The following CTNNA2 variants were observed in gnomAD, a reference collection of about 807,000 sequenced individuals.
CTNNA2 encodes the protein catenin alpha-2.
In CTNNA2, 42 loss-of-function variants were observed where a neutral mutation model predicts 101.0. That is an observed-to-expected ratio of 0.42 (90% CI 0.32 to 0.54). The LOEUF (loss-of-function observed/expected upper bound fraction) is 0.54, where lower values mean the gene tolerates loss of function less well. CTNNA2 is among the 20% of genes least tolerant of loss of function. The probability of loss-of-function intolerance (pLI) is 0.14; values close to 1 mark genes in which losing one functional copy is unlikely to be tolerated. For synonymous variants in CTNNA2, 450 were observed against 456.4 expected (o/e 0.99, Z 0.18); for missense variants, 871 against 1,223.1 (o/e 0.71, Z 4.29).
At chr2:79,209,703 C>T (rs1386450389) in intron 2 of CTNNA2, among the ~76,000 whole-genome samples, 1 of 65,040 alleles carries the variant, frequency 1.5e-5, no homozygotes, top group Non-Finnish European at 2.8e-5. Context: ...TGAGACTGAG[C>T]CAATTAAAAG....
chr2:80,073,138 C>T (rs141809313), intron 7 of CTNNA2, among the ~76,000 whole-genome samples: 2 of 152,288 alleles, frequency 1.3e-5, no homozygotes, highest in African/African-American at 4.8e-5. Flanking sequence ...CATAAGGTTG[C>T]AGCCAGTCTT....
chr2:80,242,802 C>G (rs1009812304), intron 7 of CTNNA2, among the ~76,000 whole-genome samples: 2 of 152,174 alleles, frequency 1.3e-5, no homozygotes, highest in Non-Finnish European at 2.9e-5. Context: ...GTTCTCTCTT[C>G]TTGATGGTAA....
At chr2:79,457,238 G>GTGTGTTC (rs2104532053) in intron 4 of CTNNA2, among the ~76,000 whole-genome samples, 1 of 151,528 alleles carries the variant, frequency 6.6e-6, no homozygotes, top group East Asian at 1.9e-4. Flanking sequence ...TTAGAATTCA[G>GTGTGTTC]TGTGTTCAGG....
rs78691830 is a variant in CTNNA2 at position 79,251,281 on chromosome 2, A to C, written c.-406+53205A>C. Among the ~76,000 whole-genome samples, 757 of 152,250 alleles carry C rather than the reference A, an allele frequency of 5.0e-3. 4 individuals carry two copies. Among genetic ancestry groups the C allele is most frequent in the Non-Finnish European group, 7.5e-3 (509 of 68,006 alleles). ...TCTGTTACTGATCCATGATTCAAAAAACCCTGCTGTTTCTGCTGCAGGGTC... is the reference window on the plus strand; with the variant it reads ...TCTGTTACTGATCCATGATTCAAAACACCCTGCTGTTTCTGCTGCAGGGTC... On this transcript the variant is annotated intron_variant, in intron 2 of 21. Transcript: ENST00000466387.
intron 3 of CTNNA2, among the ~76,000 whole-genome samples, chr2:79,785,701 T>C: frequency 6.6e-6 from 1 of 152,298 alleles, no homozygotes; most frequent in South Asian, 2.1e-4. Context: ...GTATTTTCAG[T>C]GCCTAGAGAA....
intron 3 of CTNNA2, among the ~76,000 whole-genome samples, chr2:79,369,256 G>T (rs2104453373): frequency 6.6e-6 from 1 of 152,254 alleles, no homozygotes; most frequent in South Asian, 2.1e-4. Context: ...AGCATTTCCT[G>T]GGGAGAACAA....
intron 1 of CTNNA2, among the ~76,000 whole-genome samples, chr2:79,610,925 T>C (rs937274744): frequency 4.6e-5 from 7 of 152,144 alleles, no homozygotes; most frequent in Non-Finnish European, 8.8e-5. Flanking sequence ...GAAGAACCAG[T>C]AACACTAGCA....
chr2:80,044,982 A>G (rs1696420076), intron 7 of CTNNA2, among the ~76,000 whole-genome samples: 1 of 152,112 alleles, frequency 6.6e-6, no homozygotes. Flanking sequence ...TGAGCTGGGC[A>G]CCCAAGATGG....
At chr2:80,576,447 C>T (rs939446477) in intron 13 of CTNNA2, 8 of 147,736 alleles carry the variant, frequency 5.4e-5, no homozygotes, top group East Asian at 2.0e-4. Context: ...TTCTGATTAT[C>T]CCCACAAAGT....
chr2:79,275,330 G>A (rs552614838), intron 2 of CTNNA2, among the ~76,000 whole-genome samples: 3 of 152,002 alleles, frequency 2.0e-5, no homozygotes, highest in East Asian at 2.0e-4. Flanking sequence ...GGACTGATAC[G>A]GGAATGGCCA....
chr2:79,302,830 T>A (rs1441035562), intron 2 of CTNNA2, among the ~76,000 whole-genome samples: 1 of 152,258 alleles, frequency 6.6e-6, no homozygotes, highest in Non-Finnish European at 1.5e-5. Context: ...TGTTGAACTC[T>A]AATTACATGT....
intron 2 of CTNNA2, among the ~76,000 whole-genome samples, chr2:79,686,582 G>A (rs1484417305): frequency 6.6e-6 from 1 of 152,010 alleles, no homozygotes; most frequent in Non-Finnish European, 1.5e-5. Context: ...ACATAAAATA[G>A]AGCCTTATAA....
At chr2:80,185,690 AGCG>A (rs1417458839) in intron 7 of CTNNA2, among the ~76,000 whole-genome samples, 2 of 152,168 alleles carry the variant, frequency 1.3e-5, no homozygotes, top group Non-Finnish European at 2.9e-5. Flanking sequence ...TTTGTTAAAG[AGCG>A]GCATGTTAAA....
intron 7 of CTNNA2, among the ~76,000 whole-genome samples, chr2:80,121,854 T>C (rs938086611): frequency 6.6e-6 from 1 of 152,186 alleles, no homozygotes; most frequent in Non-Finnish European, 1.5e-5. Context: ...GCTTGGCTGC[T>C]GACCTAGAGG....
chr2:79,375,215 C>G (rs1677953821), intron 4 of CTNNA2, among the ~76,000 whole-genome samples: 1 of 152,126 alleles, frequency 6.6e-6, no homozygotes, highest in African/African-American at 2.4e-5. Context: ...GTCAGACATA[C>G]CTGGATTCAA....
At chr2:79,452,825 C>A (rs1275506944) in intron 4 of CTNNA2, among the ~76,000 whole-genome samples, 1 of 152,068 alleles carries the variant, frequency 6.6e-6, no homozygotes, top group Non-Finnish European at 1.5e-5. Context: ...ATTCTAGTCA[C>A]TCATTGAGTT....
At chr2:80,609,889 A>G (rs1698321087) in intron 17 of CTNNA2, among the ~76,000 whole-genome samples, 1 of 151,508 alleles carries the variant, frequency 6.6e-6, no homozygotes, top group Non-Finnish European at 1.5e-5. Context: ...ACTGCCTCCA[A>G]AGCTTCATTT....
chr2:79,345,454 A>G (rs573004778), intron 3 of CTNNA2, among the ~76,000 whole-genome samples: 1 of 152,182 alleles, frequency 6.6e-6, no homozygotes, highest in Non-Finnish European at 1.5e-5. Context: ...TGGTCCCACC[A>G]AGGACAAAAA....
At chr2:79,471,063 A>G (rs974411426) in intron 4 of CTNNA2, among the ~76,000 whole-genome samples, 1 of 152,220 alleles carries the variant, frequency 6.6e-6, no homozygotes, top group African/African-American at 2.4e-5. Flanking sequence ...TAATGAAGAT[A>G]GATGGCATAA....
Sources: gnomAD v4.1 joint callset for allele counts (sites outside exome capture counted in the v4.1 genomes callset) on GRCh38, gnomAD v4.1.1 for gene constraint, MANE v1.5 for transcripts, NCBI Gene and HGNC (gene_info 2026-07-23, HGNC 2026-07-21) for gene names.